The following KCNIP3 variants were observed in gnomAD, a reference collection of about 807,000 sequenced individuals.
KCNIP3 encodes potassium voltage-gated channel interacting protein 3.
In KCNIP3, 28 loss-of-function variants were observed where a neutral mutation model predicts 35.0. The observed-to-expected ratio is 0.80, with a 90% CI of 0.59 to 1.10. The LOEUF is 1.10. KCNIP3 is among the 50% of genes least tolerant of loss of function. The probability of loss-of-function intolerance (pLI) is 0.00; values close to 1 mark genes in which losing one functional copy is unlikely to be tolerated. For synonymous variants in KCNIP3, 134 were observed against 133.8 expected (o/e 1.00, Z -0.01); for missense variants, 295 against 338.4 (o/e 0.87, Z 1.01).
intron 5 of KCNIP3, among the ~76,000 whole-genome samples, chr2:95,380,345 C>T (rs1301703510): frequency 6.6e-6 from 1 of 152,170 alleles, no homozygotes; most frequent in Non-Finnish European, 1.5e-5. Context: ...AATCGCTTTC[C>T]TCTGTCTCTG....
chr2:95,318,894 A>G (rs1028091766), intron 2 of KCNIP3, among the ~76,000 whole-genome samples: 2 of 152,094 alleles, frequency 1.3e-5, no homozygotes, highest in Admixed American at 1.3e-4. Flanking sequence ...TGTGACATGT[A>G]CATCCCAGGA....
At chr2:95,364,136 T>G (rs888010119) in intron 2 of KCNIP3, among the ~76,000 whole-genome samples, 1 of 152,186 alleles carries the variant, frequency 6.6e-6, no homozygotes, top group African/African-American at 2.4e-5. Flanking sequence ...TTTCTGTAAT[T>G]TTTTTTGTAA....
chr2:95,331,602 C>G (rs1678928534), intron 2 of KCNIP3, among the ~76,000 whole-genome samples: 1 of 152,212 alleles, frequency 6.6e-6, no homozygotes, highest in Non-Finnish European at 1.5e-5. Flanking sequence ...GCTGCCTGCG[C>G]CCATCCTCAG....
intron 2 of KCNIP3, among the ~76,000 whole-genome samples, chr2:95,330,115 A>G (rs1409244726): frequency 1.3e-5 from 2 of 152,184 alleles, no homozygotes; most frequent in Non-Finnish European, 2.9e-5. Context: ...ATTGAGTTGC[A>G]GGGCTGGGGT....
intron 2 of KCNIP3, chr2:95,312,740 T>G (rs1195787848): frequency 6.6e-6 from 1 of 150,946 alleles, no homozygotes; most frequent in African/African-American, 2.4e-5. Flanking sequence ...GGGGTTGGGG[T>G]GGGGGAGGCT....
intron 2 of KCNIP3, among the ~76,000 whole-genome samples, chr2:95,317,462 G>A (rs115880417): frequency 0.052 from 7,866 of 152,304 alleles, 282 homozygotes; most frequent in Middle Eastern, 0.099. Context: ...AGGGGCAGGG[G>A]CTACCTGAGA....
intron 2 of KCNIP3, among the ~76,000 whole-genome samples, chr2:95,339,080 G>A (rs1679130572): frequency 6.6e-6 from 1 of 152,178 alleles, no homozygotes; most frequent in African/African-American, 2.4e-5. Context: ...TTGACTCAGC[G>A]GGTGGAGGAT....
intron 8 of KCNIP3, among the ~76,000 whole-genome samples, 189 bp from the exon 9 acceptor site, chr2:95,383,813 G>T (rs1680413473): frequency 6.6e-6 from 1 of 152,208 alleles, no homozygotes. Context: ...TTGAAGACAG[G>T]CTGTGCCTCA....
At chr2:95,380,465 C>T (rs1680309255) in intron 5 of KCNIP3, among the ~76,000 whole-genome samples, 1 of 152,230 alleles carries the variant, frequency 6.6e-6, no homozygotes, top group Non-Finnish European at 1.5e-5. Context: ...CTCTGTCCCA[C>T]TTCGCTGGTA....
At chr2:95,310,018 C>A (rs1157711157) in intron 1 of KCNIP3, among the ~76,000 whole-genome samples, 2 of 152,228 alleles carry the variant, frequency 1.3e-5, no homozygotes, top group Non-Finnish European at 2.9e-5. Flanking sequence ...ATCGTGATTT[C>A]TAAGGGGCTG....
At chr2:95,310,601 G>C (rs1290989780) in intron 2 of KCNIP3, 81 bp downstream of exon 2, 3 of 1,520,000 alleles carry the variant, frequency 2.0e-6, no homozygotes, top group African/African-American at 1.4e-5. Context: ...GGGCTCAAAG[G>C]CCAGCCTGGG....
In KCNIP3 at chr2:95,374,312, G is replaced by T; in HGVS notation, c.198G>T (p.Glu66Asp). 6.2e-7 allele frequency: 1 copy of T among 1,614,052 alleles called. No homozygotes were observed. Among genetic ancestry groups the T allele is most frequent in the Non-Finnish European group, 8.5e-7 (1 of 1,179,950 alleles). Reference sequence around the variant, plus strand: ...CCACTCCAGATAGCAGCGACAGTGAGCTGGAGCTGTCCACGGTGCGCCACC... The same window carrying T: ...CCACTCCAGATAGCAGCGACAGTGATCTGGAGCTGTCCACGGTGCGCCACC... ...APQGSDSSDS[E>D]LELSTVRHQP... The change falls in exon 3 of 9, where the codon GAG (glutamate) becomes GAT (aspartate). Residue 66 changes from glutamate to aspartate, a missense_variant. By Grantham distance (45) the Glu-to-Asp change is conservative. Coordinates refer to ENST00000295225, the MANE Select transcript of KCNIP3 (RefSeq NM_013434.5).
intron 2 of KCNIP3, among the ~76,000 whole-genome samples, chr2:95,346,317 C>T (rs1339589448): frequency 6.6e-6 from 1 of 151,508 alleles, no homozygotes; most frequent in Non-Finnish European, 1.5e-5. Flanking sequence ...CTCTCGGGCT[C>T]CCGGCCCCTC....
At chr2:95,298,626 G>C (rs1429848026) in intron 1 of KCNIP3, 1 of 152,302 alleles carries the variant, frequency 6.6e-6, no homozygotes, top group East Asian at 1.9e-4. Context: ...TGGCTGGCTT[G>C]GACCACACTG....
chr2:95,382,504 T>A lies in KCNIP3; in HGVS notation c.660+23T>A. ...GAGGTGAGCGAGCGCCAGCCCTGCC[T>A]AGGGAGGGGAGCCTGGCAGAGGAAG... On this transcript the variant is annotated intron_variant, in intron 7 of 8. Transcript: ENST00000295225. The surrounding 1 kb of genome is among the most constrained non-coding windows in gnomAD (Gnocchi z 4.5). 6.5e-7 allele frequency: 1 copy of A among 1,546,920 alleles called. No homozygotes were observed. Among genetic ancestry groups the A allele is most frequent in the Non-Finnish European group, 8.8e-7 (1 of 1,137,978 alleles).
At chr2:95,360,545 T>C (rs1372496097) in intron 2 of KCNIP3, among the ~76,000 whole-genome samples, 1 of 152,244 alleles carries the variant, frequency 6.6e-6, no homozygotes, top group Non-Finnish European at 1.5e-5. Flanking sequence ...GTATTTGTTA[T>C]AACAACACCC....
intron 2 of KCNIP3, among the ~76,000 whole-genome samples, chr2:95,320,695 G>A (rs1399043071): frequency 6.6e-6 from 1 of 152,078 alleles, no homozygotes; most frequent in African/African-American, 2.4e-5. Flanking sequence ...GTCACCACCC[G>A]ACCTCCTCCA....
chr2:95,362,120 T>C (rs530344935), intron 2 of KCNIP3, among the ~76,000 whole-genome samples: 2 of 151,864 alleles, frequency 1.3e-5, no homozygotes, highest in East Asian at 3.9e-4. Context: ...TTTCTTTTTT[T>C]TTTTGAGATG....
intron 2 of KCNIP3, among the ~76,000 whole-genome samples, chr2:95,335,511 T>G (rs1679039771): frequency 6.6e-6 from 1 of 152,234 alleles, no homozygotes; most frequent in Non-Finnish European, 1.5e-5. Context: ...TGGATGCTTT[T>G]AAGGTTTTCT....
Sources: gnomAD v4.1 joint callset for allele counts (sites outside exome capture counted in the v4.1 genomes callset) on GRCh38, gnomAD v4.1.1 for gene constraint, Gnocchi (gnomAD v3.1) non-coding constraint, MANE v1.5 for transcripts, NCBI Gene and HGNC (gene_info 2026-07-23, HGNC 2026-07-21) for gene names.